ARIH2: variants seen among roughly 807,000 people sequenced by gnomAD.
ARIH2 encodes the protein ariadne RBR E3 ubiquitin protein ligase 2.
A neutral mutation model predicts 79.8 loss-of-function variants in ARIH2; 12 were observed. The ratio of observed to expected loss-of-function variants is 0.15; its 90% CI spans 0.10 to 0.24. ARIH2 has a LOEUF of 0.24. Ranked by LOEUF, ARIH2 falls within the 10% of genes least tolerant of loss-of-function variation. The pLI is 1.00. For synonymous variants in ARIH2, 224 were observed against 213.9 expected (o/e 1.05, Z -0.41); for missense variants, 301 against 618.3 (o/e 0.49, Z 5.44).
At position 48,939,243 on chromosome 3, in the gene ARIH2, CG is replaced by C. The variant is rs1457548266; in HGVS notation, c.255+11435del. Among the ~76,000 whole-genome samples the C allele has an allele frequency of 8.6e-5, 13 of 151,946 alleles. No homozygotes were observed. In the East Asian group the frequency reaches 2.5e-3, roughly 30 times the overall value. Reference sequence around the variant, plus strand: ...TCGGCCTCCCAAAGTGCTGGGATTACGGGGGCGCCTGGCCAAAACCTTTATT... The same window carrying C: ...TCGGCCTCCCAAAGTGCTGGGATTACGGGGCGCCTGGCCAAAACCTTTATT... On this transcript the variant is annotated intron_variant, in intron 3 of 15. Coordinates refer to ENST00000356401, the MANE Select transcript of ARIH2 (RefSeq NM_006321.4).
chr3:48,970,465 T>A lies in ARIH2; in HGVS notation c.661-130T>A, dbSNP rs2092155868. ...TTACGTTTGGTCTTCACATCCTTTC[T>A]GAATTTATATAGCCCCTTCGTATAA... On this transcript the variant is annotated intron_variant, in intron 7 of 15. Coordinates refer to ENST00000356401, the MANE Select transcript of ARIH2 (RefSeq NM_006321.4). 2.5e-5 allele frequency: 16 copies of A among 650,444 alleles called. No homozygotes were observed. In the South Asian group the frequency reaches 2.7e-4, roughly 11 times the overall value. 40.3% of individuals were successfully genotyped at this position (650,444 alleles called of 1,614,324 possible).
intron 3 of ARIH2, among the ~76,000 whole-genome samples, chr3:48,929,054 C>T (rs559815290): frequency 6.6e-6 from 1 of 152,198 alleles, no homozygotes; most frequent in African/African-American, 2.4e-5. Flanking sequence ...CCTTGTTGAT[C>T]AATAGTTTTC....
chr3:48,956,831 C>T (rs929735427), intron 3 of ARIH2, among the ~76,000 whole-genome samples: 9 of 151,788 alleles, frequency 5.9e-5, no homozygotes, highest in Non-Finnish European at 1.2e-4. Context: ...CCTGATTTCC[C>T]AAGTAGCTGG....
chr3:48,937,912 TGGCG>T, intron 3 of ARIH2, among the ~76,000 whole-genome samples: 1 of 151,936 alleles, frequency 6.6e-6, no homozygotes, highest in African/African-American at 2.4e-5. Flanking sequence ...CCGGTCGTAG[TGGCG>T]GGCGCCTGTA....
Position 48,974,715 on chromosome 3 carries a change from A to G in ARIH2, c.889-102A>G, listed in dbSNP as rs1475570400. 9 of 1,241,088 alleles carry G rather than the reference A, an allele frequency of 7.3e-6. No individual in the cohort carries two copies. In the African/African-American group the frequency reaches 1.3e-4, roughly 18 times the overall value. 76.9% of individuals were successfully genotyped at this position (1,241,088 alleles called of 1,614,324 possible). ...GAGGTGCTCCTCCCCAGAAGTGCTC[A>G]CACCATGAGCAACTGGGCACAGGTG... is the stretch of plus-strand genomic sequence containing the variant. On this transcript the variant is annotated intron_variant, in intron 9 of 15. Transcript: ENST00000356401.
chr3:48,971,084 A>G (rs1169538811), intron 8 of ARIH2, among the ~76,000 whole-genome samples: 2 of 152,202 alleles, frequency 1.3e-5, no homozygotes, highest in Non-Finnish European at 2.9e-5. Flanking sequence ...AATTTTTGTT[A>G]AACTAAGTCA....
At chr3:48,977,391 C>T (rs747962605) in intron 11 of ARIH2, among the ~76,000 whole-genome samples, 59 of 151,778 alleles carry the variant, frequency 3.9e-4, no homozygotes, top group Non-Finnish European at 5.6e-4. Flanking sequence ...CTGCAACCTC[C>T]ACCTCCCAGG....
intron 12 of ARIH2, 189 bp from the exon 13 acceptor site, chr3:48,980,164 G>A: frequency 1.9e-6 from 1 of 533,674 alleles, no homozygotes; most frequent in Non-Finnish European, 3.3e-6. Flanking sequence ...CGATCTGGCA[G>A]TAAGCATACA....
At chr3:48,937,006 C>G (rs2087246531) in intron 3 of ARIH2, among the ~76,000 whole-genome samples, 1 of 151,366 alleles carries the variant, frequency 6.6e-6, no homozygotes, top group South Asian at 2.1e-4. Flanking sequence ...CCAGCCTGGG[C>G]AACACAGCGA....
chr3:48,962,554 T>G (rs2091382883), intron 4 of ARIH2, among the ~76,000 whole-genome samples: 1 of 152,198 alleles, frequency 6.6e-6, no homozygotes. Flanking sequence ...CTGCATCCTC[T>G]GTAGAGATCT....
chr3:48,934,710 A>ACTCTC, intron 3 of ARIH2: 1 of 985,456 alleles, frequency 1.0e-6, no homozygotes, highest in Non-Finnish European at 1.2e-6. Context: ...AGGCGATGAG[A>ACTCTC]AATGTCCAGA....
chr3:48,965,676 T>C (rs2091718127), intron 5 of ARIH2, among the ~76,000 whole-genome samples: 1 of 152,092 alleles, frequency 6.6e-6, no homozygotes. Flanking sequence ...AAGACCCCAG[T>C]CCGGCCAGGC....
rs1458306089 is a variant in ARIH2 at position 48,968,019 on chromosome 3, TG to T, written c.539-514del. On this transcript the variant is annotated intron_variant, in intron 6 of 15. Coordinates refer to ENST00000356401, the MANE Select transcript of ARIH2 (RefSeq NM_006321.4). ...TGCTTGTCCATCACTTTTTTGGGTT[TG>T]TTTTTTTTTTGTTTGTTTGTTTGTT... 6 of 154,152 alleles carry T rather than the reference TG, an allele frequency of 3.9e-5. No individual in the cohort carries two copies. The South Asian group carries it at 6.0e-4, about 15-fold the overall frequency. The allele number at this position is 154,152 out of a possible 1,614,324, so 9.5% of individuals were successfully genotyped here.
intron 8 of ARIH2, among the ~76,000 whole-genome samples, chr3:48,972,438 TTC>T: frequency 1.2e-5 from 1 of 81,166 alleles, no homozygotes. Flanking sequence ...AGGTCAGGAG[TTC>T]CAAGACTAGC....
At chr3:48,965,950 C>T (rs1289855117) in intron 5 of ARIH2, among the ~76,000 whole-genome samples, 1 of 127,406 alleles carries the variant, frequency 7.8e-6, no homozygotes, top group East Asian at 2.8e-4. Flanking sequence ...GGGCGACAGA[C>T]ACTCCATCAG....
At position 48,922,761 on chromosome 3, in the gene ARIH2, T is replaced by A. The variant is rs1347011370; in HGVS notation, c.-148T>A. 6.6e-6 allele frequency: 1 copy of A among 152,174 alleles called. No individual in the cohort carries two copies. The highest frequency in any genetic ancestry group is 1.5e-5 in the Non-Finnish European group (1 of 68,036). The allele number at this position is 152,174 out of a possible 1,614,324, so 9.4% of individuals were successfully genotyped here. ...TTTTCATTTTAGATGGAAATCATATTATGTAGAATACTTGGGTGACATCTG... is the reference window on the plus strand; with the variant it reads ...TTTTCATTTTAGATGGAAATCATATAATGTAGAATACTTGGGTGACATCTG... On this transcript the variant is annotated 5_prime_UTR_variant, in exon 2 of 16. An upstream open reading frame in the 5' UTR gains an earlier in-frame stop. Coordinates refer to ENST00000356401, the MANE Select transcript of ARIH2 (RefSeq NM_006321.4).
intron 3 of ARIH2, among the ~76,000 whole-genome samples, chr3:48,953,050 T>C (rs939240611): frequency 6.6e-6 from 1 of 152,086 alleles, no homozygotes; most frequent in Admixed American, 6.6e-5. Flanking sequence ...ATACTTCAGC[T>C]TCCCAAGTAG....
rs904478885 is a variant in ARIH2 at position 48,986,338 on chromosome 3, TTTTTG to T, written c.*3074_*3078del. 2 of 152,262 alleles carry T rather than the reference TTTTTG, an allele frequency of 1.3e-5. No individual in the cohort carries two copies. Among genetic ancestry groups the T allele is most frequent in the African/African-American group, 4.8e-5 (2 of 41,446 alleles). 9.4% of individuals were successfully genotyped at this position (152,262 alleles called of 1,614,324 possible). ...GAATTGATCACTAGTGAATGTTTGT[TTTTTG>T]TTTTGAGACAGTCTCGCTCTATCGC... On this transcript the variant is annotated 3_prime_UTR_variant, in exon 16 of 16. Transcript: ENST00000356401.
intron 3 of ARIH2, among the ~76,000 whole-genome samples, chr3:48,936,336 A>G (rs888579170): frequency 2.0e-5 from 3 of 152,204 alleles, no homozygotes; most frequent in Non-Finnish European, 2.9e-5. Flanking sequence ...CCTGAAATGT[A>G]TCTGCCCTCT....
Sources: gnomAD v4.1 joint callset for allele counts (sites outside exome capture counted in the v4.1 genomes callset) on GRCh38, gnomAD v4.1.1 for gene constraint, MANE v1.5 for transcripts, NCBI Gene and HGNC (gene_info 2026-07-23, HGNC 2026-07-21) for gene names.